The following ATG5 variants were observed in gnomAD, a reference collection of about 807,000 sequenced individuals.
ATG5 encodes the protein autophagy protein 5.
A neutral mutation model predicts 36.5 loss-of-function variants in ATG5; 14 were observed. The ratio of observed to expected loss-of-function variants is 0.38; its 90% CI spans 0.25 to 0.60. The LOEUF (loss-of-function observed/expected upper bound fraction) is 0.60. Among genes scored for constraint, ATG5 ranks in the 20% least tolerant of loss-of-function variants. ATG5 has a pLI of 0.60. For missense variants in ATG5, 195 were observed against 326.7 expected, an observed-to-expected ratio of 0.60 and a Z score of 3.11; for synonymous variants, 95 against 101.5, an observed-to-expected ratio of 0.94 and a Z score of 0.38.
intron 6 of ATG5, among the ~76,000 whole-genome samples, chr6:106,236,639 T>C (rs1777915719): frequency 6.6e-6 from 1 of 152,238 alleles, no homozygotes; most frequent in African/African-American, 2.4e-5. Flanking sequence ...ATATCTTTTG[T>C]GAAATAGTTA....
intron 6 of ATG5, among the ~76,000 whole-genome samples, chr6:106,240,988 A>C (rs922013470): frequency 1.3e-5 from 2 of 152,186 alleles, no homozygotes; most frequent in Admixed American, 6.5e-5. Flanking sequence ...CCCTGGCTCT[A>C]CAAAAAATAC....
At chr6:106,190,334 T>C (rs1775925397) in intron 7 of ATG5, among the ~76,000 whole-genome samples, 2 of 152,202 alleles carry the variant, frequency 1.3e-5, no homozygotes, top group African/African-American at 2.4e-5. Context: ...AACCCACTCT[T>C]GCAAATCCTT....
chr6:106,185,307 T>TA lies in ATG5; in HGVS notation c.*1232dup, dbSNP rs1775725562. Reference sequence around the variant, plus strand: ...GATCTAAAACCATGATCGTGTCTGATACTGTAAGCCTTTTAGCGTACTCAA... The same window carrying TA: ...GATCTAAAACCATGATCGTGTCTGATAACTGTAAGCCTTTTAGCGTACTCAA... On this transcript the variant is annotated 3_prime_UTR_variant, in exon 8 of 8. Coordinates refer to ENST00000369076, the MANE Select transcript of ATG5 (RefSeq NM_004849.4). 1 of 152,752 alleles carries TA rather than the reference T, an allele frequency of 6.5e-6. No homozygotes were observed. The highest frequency in any genetic ancestry group is 2.1e-4 in the South Asian group (1 of 4,838). 9.5% of individuals were successfully genotyped at this position (152,752 alleles called of 1,614,324 possible).
At chr6:106,247,959 G>A (rs1019207416) in intron 6 of ATG5, among the ~76,000 whole-genome samples, 191 bp downstream of exon 6, 3 of 152,168 alleles carry the variant, frequency 2.0e-5, no homozygotes, top group South Asian at 2.1e-4. Context: ...CAAATAATGA[G>A]TACCAAATGC....
intron 5 of ATG5, among the ~76,000 whole-genome samples, chr6:106,256,027 C>T (rs900952129): frequency 1.3e-5 from 2 of 152,030 alleles, no homozygotes. Context: ...ATTTAATATG[C>T]AATTGAGTTC....
At chr6:106,267,950 A>G (rs1779290441) in intron 5 of ATG5, among the ~76,000 whole-genome samples, 1 of 152,250 alleles carries the variant, frequency 6.6e-6, no homozygotes, top group African/African-American at 2.4e-5. Flanking sequence ...CATGACTAAA[A>G]CACCAAAAGC....
intron 6 of ATG5, among the ~76,000 whole-genome samples, chr6:106,245,136 G>A (rs766056929): frequency 2.0e-5 from 3 of 152,142 alleles, no homozygotes; most frequent in Non-Finnish European, 4.4e-5. Flanking sequence ...TTATGTAAAT[G>A]ACAGAAATGA....
At chr6:106,194,765 GACC>G (rs1392459420) in intron 7 of ATG5, among the ~76,000 whole-genome samples, 4 of 152,090 alleles carry the variant, frequency 2.6e-5, no homozygotes, top group African/African-American at 9.7e-5. Flanking sequence ...TCTAACTCCT[GACC>G]TCAGGTGATC....
At chr6:106,310,132 A>C (rs999067506) in intron 2 of ATG5, among the ~76,000 whole-genome samples, 2 of 152,190 alleles carry the variant, frequency 1.3e-5, no homozygotes, top group African/African-American at 4.8e-5. Flanking sequence ...GTTTTGTTCA[A>C]TGCTACATTT....
rs1482311246 is a variant in ATG5 at position 106,279,798 on chromosome 6, T to C, written c.341A>G (p.His114Arg). The C allele has an allele frequency of 4.5e-6, 7 of 1,538,982 alleles. No individual in the cohort carries two copies. The highest frequency in any genetic ancestry group is 1.7e-4 in the Middle Eastern group (1 of 5,784). ...TTCAATTGCATCCTTAGATGGACAG[T>C]GCAGAAGGTCTTTTTCTGGAAAACT... ...FKSFPEKDLL[H>R]CPSKDAIEAH... is the part of the protein sequence containing the mutation. The change falls in exon 5 of 8, where the codon CAC (histidine) becomes CGC (arginine). Residue 114 changes from histidine to arginine, a missense_variant. His to Arg is a conservative substitution (Grantham distance 29, BLOSUM62 0). Coordinates refer to ENST00000369076, the MANE Select transcript of ATG5 (RefSeq NM_004849.4).
At chr6:106,310,650 G>A (rs1325477066) in intron 2 of ATG5, among the ~76,000 whole-genome samples, 1 of 151,870 alleles carries the variant, frequency 6.6e-6, no homozygotes, top group Non-Finnish European at 1.5e-5. Flanking sequence ...TCCATCTCCA[G>A]AACTTTTTCA....
rs115576116 is a variant in ATG5, at chr6:106,293,059, G to T, written c.284C>A (p.Ala95Asp). 84 of 1,613,574 alleles carry T rather than the reference G, an allele frequency of 5.2e-5. No individual in the cohort carries two copies. The highest frequency in any genetic ancestry group is 6.8e-5 in the Non-Finnish European group (80 of 1,179,630). The change falls in exon 4 of 8, where the codon GCT (alanine) becomes GAT (aspartate). Residue 95 changes from alanine (A) to aspartate (D), a missense_variant. Ala to Asp is a moderately radical substitution (Grantham distance 126). Transcript: ENST00000369076. ...LLFDLLASSS[A>D]LPWNITVHFK... ...ATGTACTGTGATGTTCCAAGGAAGA[G>T]CTGAACTTGATGCAAGAAGATCAAA...
At chr6:106,214,523 A>T (rs1430464436) in intron 6 of ATG5, among the ~76,000 whole-genome samples, 1 of 152,186 alleles carries the variant, frequency 6.6e-6, no homozygotes, top group Non-Finnish European at 1.5e-5. Context: ...TCTCCAAAGG[A>T]GAAGTTTCTT....
intron 6 of ATG5, among the ~76,000 whole-genome samples, chr6:106,212,291 A>G (rs2114396235): frequency 6.6e-6 from 1 of 152,370 alleles, no homozygotes; most frequent in African/African-American, 2.4e-5. Flanking sequence ...CTAATAAAAC[A>G]CAACTAACTA....
chr6:106,321,825 T>C (rs570094941), intron 1 of ATG5, among the ~76,000 whole-genome samples: 1 of 152,298 alleles, frequency 6.6e-6, no homozygotes, highest in East Asian at 1.9e-4. Context: ...TGGGAGTTCT[T>C]TGACAGCAAA....
At chr6:106,189,342 T>C (rs4945746) in intron 7 of ATG5, among the ~76,000 whole-genome samples, 14,591 of 152,174 alleles carry the variant, frequency 0.096, 920 homozygotes, top group Admixed American at 0.23. Flanking sequence ...TGGTGGCTCA[T>C]GTCTGTAATC....
chr6:106,265,989 T>A (rs1407500097), intron 5 of ATG5, among the ~76,000 whole-genome samples: 23 of 147,720 alleles, frequency 1.6e-4, no homozygotes, highest in African/African-American at 5.5e-4. Context: ...CAAGAATAAT[T>A]AAGATCAGAG....
intron 6 of ATG5, among the ~76,000 whole-genome samples, chr6:106,225,490 T>G (rs972549924): frequency 3.3e-5 from 5 of 151,602 alleles, no homozygotes; most frequent in Non-Finnish European, 5.9e-5. Context: ...TTTTAAAACT[T>G]TAAAAAACAC....
intron 5 of ATG5, among the ~76,000 whole-genome samples, chr6:106,252,372 A>C (rs965020150): frequency 1.3e-5 from 2 of 152,030 alleles, no homozygotes; most frequent in Non-Finnish European, 2.9e-5. Context: ...GATGAAAAAT[A>C]CCATTCCTCA....
Sources: gnomAD v4.1 joint callset for allele counts (sites outside exome capture counted in the v4.1 genomes callset) on GRCh38, gnomAD v4.1.1 for gene constraint, MANE v1.5 for transcripts, NCBI Gene and HGNC (gene_info 2026-07-23, HGNC 2026-07-21) for gene names.